Variants in PARD3B observed in about 807,000 individuals in gnomAD.
PARD3B encodes partitioning defective 3 homolog B.
A neutral mutation model predicts 130.2 loss-of-function variants in PARD3B; 103 were observed. The observed-to-expected ratio is 0.79, with a 90% CI of 0.67 to 0.93. The LOEUF (loss-of-function observed/expected upper bound fraction) is 0.93, where lower values mean the gene tolerates loss of function less well. PARD3B is among the 40% of genes least tolerant of loss of function. The probability of loss-of-function intolerance (pLI) is 0.00; values close to 1 mark genes in which losing one functional copy is unlikely to be tolerated. For missense variants in PARD3B, 1,609 were observed against 1,499.2 expected (o/e 1.07, Z -1.21); for synonymous variants, 583 against 553.2 (o/e 1.05, Z -0.76).
rs144153771 is a variant in PARD3B, at chr2:204,719,908, T to A, written c.222+33626T>A. 3.8e-3 allele frequency among the ~76,000 whole-genome samples: 585 copies of A among 152,308 alleles called. 2 individuals carry two copies. Among genetic ancestry groups the A allele is most frequent in the African/African-American group, 0.013 (558 of 41,566 alleles). On this transcript the variant is annotated intron_variant, in intron 2 of 22. Coordinates refer to ENST00000406610, the MANE Select transcript of PARD3B (RefSeq NM_001302769.2). The stretch of plus-strand genomic sequence containing the variant: ...ATACTATTCTATAGTTGTGAGTAAA[T>A]CTCAGGAAGAATGTATCCATTCATA...
chr2:205,126,752 C>CAAAAAAAAAAAAAAAAAAAAAAAAAAAAA (rs4045004), intron 10 of PARD3B, among the ~76,000 whole-genome samples: 1 of 74,454 alleles, frequency 1.3e-5, no homozygotes, highest in Non-Finnish European at 2.2e-5. Context: ...GACTCCGTCT[C>CAAAAAAAAAAAAAAAAAAAAAAAAAAAAA]AAAAAAAAAA....
intron 10 of PARD3B, among the ~76,000 whole-genome samples, chr2:205,145,611 G>T (rs992059466): frequency 2.6e-5 from 4 of 152,064 alleles, no homozygotes; most frequent in South Asian, 2.1e-4. Context: ...GACCTACAAG[G>T]TATCTCTGTC....
intron 15 of PARD3B, among the ~76,000 whole-genome samples, chr2:205,216,859 C>T (rs2037939908): frequency 6.6e-6 from 1 of 152,112 alleles, no homozygotes; most frequent in Non-Finnish European, 1.5e-5. Flanking sequence ...TAATGTGAAG[C>T]CTGAATAAGG....
intron 1 of PARD3B, among the ~76,000 whole-genome samples, chr2:204,659,662 T>C (rs1299388652): frequency 6.6e-6 from 1 of 152,164 alleles, no homozygotes; most frequent in African/African-American, 2.4e-5. Context: ...TTTAACATAC[T>C]GTGCAACTAA....
At chr2:205,495,111 T>C (rs913444309) in intron 20 of PARD3B, among the ~76,000 whole-genome samples, 1 of 152,154 alleles carries the variant, frequency 6.6e-6, no homozygotes, top group Non-Finnish European at 1.5e-5. Flanking sequence ...GTTTATGACA[T>C]GTGGGAATTT....
intron 16 of PARD3B, among the ~76,000 whole-genome samples, chr2:205,290,455 T>C (rs1421294483): frequency 6.6e-6 from 1 of 152,168 alleles, no homozygotes; most frequent in African/African-American, 2.4e-5. Flanking sequence ...GACATTTCCT[T>C]GTATGCACTC....
chr2:204,844,152 A>G (rs1354286945), intron 2 of PARD3B, among the ~76,000 whole-genome samples: 3 of 152,184 alleles, frequency 2.0e-5, no homozygotes, highest in Non-Finnish European at 2.9e-5. Context: ...GGAAGTGGTT[A>G]CCTTTTAAAT....
At chr2:205,345,229 G>T (rs1310117689) in intron 18 of PARD3B, among the ~76,000 whole-genome samples, 1 of 152,144 alleles carries the variant, frequency 6.6e-6, no homozygotes, top group Non-Finnish European at 1.5e-5. Flanking sequence ...GTACTTTTAT[G>T]CTAAGTATGA....
chr2:205,289,669 T>C (rs772123559), intron 16 of PARD3B, among the ~76,000 whole-genome samples: 218 of 152,034 alleles, frequency 1.4e-3, no homozygotes, highest in Non-Finnish European at 2.3e-3. Context: ...CTTTGGGAGA[T>C]GACTGAGTCA....
At chr2:205,203,754 C>T (rs1177719317) in intron 15 of PARD3B, among the ~76,000 whole-genome samples, 3 of 152,348 alleles carry the variant, frequency 2.0e-5, no homozygotes, top group Non-Finnish European at 4.4e-5. Flanking sequence ...TTTCCAGCTT[C>T]ATCCATGTCC....
intron 5 of PARD3B, 51 bp from the exon 6 acceptor site, chr2:205,113,440 C>T: frequency 7.7e-7 from 1 of 1,305,440 alleles, no homozygotes; most frequent in Admixed American, 1.7e-5. Flanking sequence ...GATGTGCTCC[C>T]TCTGTTTTTT....
At chr2:204,590,195 C>G (rs1307968492) in intron 1 of PARD3B, among the ~76,000 whole-genome samples, 2 of 152,086 alleles carry the variant, frequency 1.3e-5, no homozygotes, top group Non-Finnish European at 2.9e-5. Flanking sequence ...TCTCTCTGTC[C>G]TCACAGGGTG....
Position 205,261,941 on chromosome 2 carries a change from G to A in PARD3B, c.2185+16119G>A, listed in dbSNP as rs748935720. Among the ~76,000 whole-genome samples, 133 of 152,154 alleles carry A rather than the reference G, an allele frequency of 8.7e-4. 7 individuals are homozygous for A. Among genetic ancestry groups the A allele is most frequent in the Non-Finnish European group, 1.6e-4 (11 of 68,012 alleles). On this transcript the variant is annotated intron_variant, in intron 16 of 22. Transcript: ENST00000406610. ...ACCACACTTGAAGAGTAGTGCATGA[G>A]AAGGCTGTTTGATAAGTCCTTTAGG...
At chr2:204,814,294 C>T (rs992572406) in intron 2 of PARD3B, among the ~76,000 whole-genome samples, 2 of 151,284 alleles carry the variant, frequency 1.3e-5, no homozygotes, top group Non-Finnish European at 3.0e-5. Flanking sequence ...TGATTTTTTT[C>T]GTATTGACCT....
chr2:204,593,125 T>G (rs2125096241), intron 1 of PARD3B, among the ~76,000 whole-genome samples: 1 of 150,628 alleles, frequency 6.6e-6, no homozygotes, highest in South Asian at 2.1e-4. Flanking sequence ...TGACTTCTAT[T>G]AGGTTTTAAG....
intron 15 of PARD3B, among the ~76,000 whole-genome samples, chr2:205,201,525 A>C (rs760200389): frequency 1.1e-4 from 16 of 152,222 alleles, no homozygotes; most frequent in Non-Finnish European, 2.2e-4. Context: ...AGAGTATTTT[A>C]ATATGATTAT....
At chr2:205,085,679 C>G in intron 4 of PARD3B, among the ~76,000 whole-genome samples, 1 of 151,764 alleles carries the variant, frequency 6.6e-6, no homozygotes, top group East Asian at 1.9e-4. Flanking sequence ...TACTTTTTAT[C>G]TTAAAGTTAG....
rs570195301 is a variant in PARD3B, at chr2:204,678,575, C to A, written c.121-7606C>A. On this transcript the variant is annotated intron_variant, in intron 1 of 22. Transcript: ENST00000406610. The surrounding 1 kb of genome is among the most constrained non-coding windows in gnomAD (Gnocchi z 4.2). ...TCCTTGAAGCCTGGCTGACTCCAGC[C>A]GGGTCGTCTCCGAAGTCGTGTGGTC... Among the ~76,000 whole-genome samples, 2 of 152,162 alleles carry A rather than the reference C, an allele frequency of 1.3e-5. No homozygotes were observed. The highest frequency in any genetic ancestry group is 2.1e-4 in the South Asian group (1 of 4,816).
intron 20 of PARD3B, among the ~76,000 whole-genome samples, chr2:205,493,102 A>G (rs2049783449): frequency 6.6e-6 from 1 of 152,176 alleles, no homozygotes; most frequent in Non-Finnish European, 1.5e-5. Flanking sequence ...GAGAAAAATT[A>G]GCAAAATAAG....
Sources: gnomAD v4.1 joint callset for allele counts (sites outside exome capture counted in the v4.1 genomes callset) on GRCh38, gnomAD v4.1.1 for gene constraint, Gnocchi (gnomAD v3.1) non-coding constraint, MANE v1.5 for transcripts, NCBI Gene and HGNC (gene_info 2026-07-23, HGNC 2026-07-21) for gene names.